KIF18A: variants seen among roughly 807,000 people sequenced by gnomAD.
The protein encoded by KIF18A is kinesin family member 18A.
A neutral mutation model predicts 103.3 loss-of-function variants in KIF18A; 67 were observed. The ratio of observed to expected loss-of-function variants is 0.65; its 90% CI spans 0.53 to 0.79. KIF18A has a LOEUF of 0.79. Ranked by LOEUF, KIF18A falls within the 30% of genes least tolerant of loss-of-function variation. The probability of loss-of-function intolerance (pLI) is 0.00; values close to 1 mark genes in which losing one functional copy is unlikely to be tolerated. For missense variants in KIF18A, 1,032 were observed against 1,062.5 expected (o/e 0.97, Z 0.40); for synonymous variants, 367 against 355.5 (o/e 1.03, Z -0.36).
intron 13 of KIF18A, among the ~76,000 whole-genome samples, chr11:28,050,059 T>A (rs1360636734): frequency 6.6e-6 from 1 of 151,828 alleles, no homozygotes; most frequent in African/African-American, 2.4e-5. Context: ...CATAGGGAAC[T>A]ATTATAGTCC....
At chr11:28,075,520 T>C (rs1851077613) in intron 10 of KIF18A, among the ~76,000 whole-genome samples, 1 of 152,234 alleles carries the variant, frequency 6.6e-6, no homozygotes, top group South Asian at 2.1e-4. Context: ...TTTTAATTTC[T>C]GGAAGTTTCA....
intron 1 of KIF18A, among the ~76,000 whole-genome samples, chr11:28,107,745 T>C (rs891680782): frequency 9.2e-5 from 14 of 152,200 alleles, no homozygotes; most frequent in African/African-American, 3.1e-4. Flanking sequence ...TACAAGGTGC[T>C]GGGCAGTTAA....
At chr11:28,094,416 T>C (rs892716148) in intron 3 of KIF18A, among the ~76,000 whole-genome samples, 4 of 151,834 alleles carry the variant, frequency 2.6e-5, no homozygotes, top group Admixed American at 2.6e-4. Context: ...GTATGAAGGG[T>C]ATCTGGAAGT....
At chr11:28,081,927 T>G (rs1475389024) in intron 9 of KIF18A, among the ~76,000 whole-genome samples, 1 of 152,102 alleles carries the variant, frequency 6.6e-6, no homozygotes. Flanking sequence ...GGAAGTAGAT[T>G]CCAATCCTCA....
At chr11:28,050,216 C>T (rs940876314) in intron 13 of KIF18A, among the ~76,000 whole-genome samples, 4 of 151,730 alleles carry the variant, frequency 2.6e-5, no homozygotes, top group African/African-American at 9.7e-5. Context: ...AGGGACAATA[C>T]AAAGAACCTT....
intron 13 of KIF18A, among the ~76,000 whole-genome samples, chr11:28,041,879 G>A (rs887577103): frequency 2.0e-5 from 3 of 151,556 alleles, no homozygotes; most frequent in Admixed American, 6.6e-5. Flanking sequence ...AAGAGAAATT[G>A]ACAATGCTCC....
In KIF18A at chr11:28,084,925, A is replaced by G. The variant is rs1166878756; in HGVS notation, c.898-117T>C. On this transcript the variant is annotated intron_variant, in intron 6 of 16. Coordinates refer to ENST00000263181, the MANE Select transcript of KIF18A (RefSeq NM_031217.4). ...CCTAGGTGCCGAGGCAAGAGACTGA[A>G]GGTATAAACTGTTTCAGTATAATGA... 8 of 677,952 alleles carry G rather than the reference A, an allele frequency of 1.2e-5. No homozygotes were observed. The East Asian group carries it at 2.1e-4, about 17-fold the overall frequency. The allele number at this position is 677,952 out of a possible 1,614,324, so 42.0% of individuals were successfully genotyped here. A position where few individuals can be genotyped will look rare whatever the true frequency, so the allele number is the denominator to read the frequency against.
At chr11:28,059,792 ATGT>A (rs1850835485) in intron 12 of KIF18A, among the ~76,000 whole-genome samples, 2 of 152,126 alleles carry the variant, frequency 1.3e-5, no homozygotes, top group African/African-American at 4.8e-5. Context: ...CAAACTACAG[ATGT>A]TGTTACTGCT....
At chr11:28,065,416 G>A (rs1469392655) in intron 11 of KIF18A, among the ~76,000 whole-genome samples, 1 of 152,000 alleles carries the variant, frequency 6.6e-6, no homozygotes, top group Non-Finnish European at 1.5e-5. Flanking sequence ...AGTTATTTGT[G>A]ATAAAATGCA....
At chr11:28,089,815 GA>G in intron 5 of KIF18A, among the ~76,000 whole-genome samples, 1 of 152,180 alleles carries the variant, frequency 6.6e-6, no homozygotes, top group East Asian at 1.9e-4. Flanking sequence ...AGGAAAGTAA[GA>G]TATTACTTAA....
chr11:28,068,885 C>A (rs992741885), intron 11 of KIF18A, among the ~76,000 whole-genome samples: 3 of 152,088 alleles, frequency 2.0e-5, no homozygotes, highest in African/African-American at 7.2e-5. Flanking sequence ...AAAATAAAAC[C>A]TTTTGCCATT....
Position 28,036,556 on chromosome 11 carries a change from G to A in KIF18A, c.2057C>T (p.Pro686Leu), listed in dbSNP as rs746995037. Residue 686 changes from proline (P) to leucine (L), a missense_variant, in exon 14 of 17, where the codon CCA becomes CTA. Pro to Leu is a moderately conservative substitution (Grantham distance 98). Coordinates refer to ENST00000263181, the MANE Select transcript of KIF18A (RefSeq NM_031217.4). ...ATCATTGAGCTGCACACTTTGAGAT[G>A]GTGGAGACTTTAGAGTATGCTGTCC... ...LKGQHTLKSPPSQSVQLNDSL... is the reference protein window; with the variant it reads ...LKGQHTLKSPLSQSVQLNDSL... 19 of 1,610,622 alleles carry A rather than the reference G, an allele frequency of 1.2e-5. No homozygotes were observed. In the South Asian group the frequency reaches 1.3e-4, roughly 11 times the overall value.
At chr11:28,086,166 T>C (rs1490541246) in intron 6 of KIF18A, among the ~76,000 whole-genome samples, 2 of 152,230 alleles carry the variant, frequency 1.3e-5, no homozygotes, top group East Asian at 1.9e-4. Flanking sequence ...TATTTGAAAA[T>C]GTCTATTTAA....
rs766121423 is a variant in KIF18A at position 28,084,654 on chromosome 11, C to T, written c.1052G>A (p.Arg351Gln). The T allele has an allele frequency of 4.3e-6, 7 of 1,610,698 alleles. No homozygotes were observed. Among genetic ancestry groups the T allele is most frequent in the African/African-American group, 2.7e-5 (2 of 74,870 alleles). Residue 351 changes from arginine to glutamine, a missense_variant, in exon 7 of 17, where the codon CGG becomes CAG. Coordinates refer to ENST00000263181, the MANE Select transcript of KIF18A (RefSeq NM_031217.4). The stretch of plus-strand genomic sequence containing the variant: ...TACAGAAGATTTAATGTCCTTTGCC[C>T]GGTTAGCATACTTAAGAGTGTTATA... ...DTYNTLKYANRAKDIKSSLKS... is the reference protein window; with the variant it reads ...DTYNTLKYANQAKDIKSSLKS...
At chr11:28,087,303 A>C (rs569782241) in intron 6 of KIF18A, among the ~76,000 whole-genome samples, 1 of 151,748 alleles carries the variant, frequency 6.6e-6, no homozygotes, top group South Asian at 2.1e-4. Context: ...TCATTGTTCA[A>C]CTCCCACTTA....
chr11:28,056,114 A>C (rs1850776997), intron 13 of KIF18A, among the ~76,000 whole-genome samples: 2 of 151,916 alleles, frequency 1.3e-5, no homozygotes, highest in African/African-American at 4.8e-5. Context: ...TTCAGGGAAT[A>C]ATGACCAAAA....
At chr11:28,029,063 G>C (rs1850360600) in intron 15 of KIF18A, among the ~76,000 whole-genome samples, 1 of 152,150 alleles carries the variant, frequency 6.6e-6, no homozygotes, top group Non-Finnish European at 1.5e-5. Flanking sequence ...AAAAAGTCCA[G>C]GACCGGGCGG....
intron 13 of KIF18A, among the ~76,000 whole-genome samples, chr11:28,053,427 A>G (rs1260098467): frequency 6.6e-6 from 1 of 152,078 alleles, no homozygotes; most frequent in Non-Finnish European, 1.5e-5. Flanking sequence ...CATGGGACAT[A>G]AAAAACAGAT....
chr11:28,092,173 G>T (rs555256064), intron 3 of KIF18A, among the ~76,000 whole-genome samples: 12 of 152,288 alleles, frequency 7.9e-5, no homozygotes, highest in Non-Finnish European at 1.0e-4. Flanking sequence ...TCTGGGAAAT[G>T]CAGGTTGTAT....
Sources: allele counts gnomAD v4.1 joint callset (sites outside exome capture counted in the v4.1 genomes callset), GRCh38; gene constraint gnomAD v4.1.1; transcripts MANE v1.5; gene names NCBI Gene and HGNC (gene_info 2026-07-23, HGNC 2026-07-21).